The following RUBCNL variants were observed in gnomAD, a reference collection of about 807,000 sequenced individuals.
RUBCNL encodes rubicon like autophagy enhancer.
RUBCNL carries 62 observed loss-of-function variants against 69.5 expected under a neutral mutation model. The observed-to-expected ratio is 0.89, with a 90% CI of 0.73 to 1.10. The LOEUF (loss-of-function observed/expected upper bound fraction) is 1.10. Ranked by LOEUF, RUBCNL falls within the 50% of genes least tolerant of loss-of-function variation. The pLI, the probability that RUBCNL is intolerant of heterozygous loss-of-function variation, is 0.00. For synonymous variants in RUBCNL, 291 were observed against 303.6 expected, an observed-to-expected ratio of 0.96 and a Z score of 0.43; for missense variants, 768 against 798.1, an observed-to-expected ratio of 0.96 and a Z score of 0.45.
At chr13:46,364,373 G>C (rs1015206862) in intron 5 of RUBCNL, among the ~76,000 whole-genome samples, 1 of 151,394 alleles carries the variant, frequency 6.6e-6, no homozygotes, top group Non-Finnish European at 1.5e-5. Flanking sequence ...CTCCAGCCTA[G>C]GCAACACAGA....
rs371540012 is a variant in RUBCNL, at chr13:46,339,960, T to C, written c.*3425A>G. Among the ~76,000 whole-genome samples the C allele has an allele frequency of 6.6e-6, 1 of 151,992 alleles. No homozygotes were observed. The highest frequency in any genetic ancestry group is 1.5e-5 in the Non-Finnish European group (1 of 67,954). On this transcript the variant is annotated 3_prime_UTR_variant, in exon 15 of 15. Coordinates refer to ENST00000429979, the MANE Select transcript of RUBCNL (RefSeq NM_025113.5). ...GTTTGAAATCAAGGGGTCAGCCATGTTGGGTTTTTTTTTTAAGGCTCTGAG... is the reference window on the plus strand; with the variant it reads ...GTTTGAAATCAAGGGGTCAGCCATGCTGGGTTTTTTTTTTAAGGCTCTGAG...
chr13:46,363,729 C>T (rs1205078644), intron 5 of RUBCNL, among the ~76,000 whole-genome samples: 1 of 151,480 alleles, frequency 6.6e-6, no homozygotes, highest in African/African-American at 2.4e-5. Context: ...GGTGGCCCGG[C>T]CAGCACCTGT....
intron 9 of RUBCNL, among the ~76,000 whole-genome samples, chr13:46,359,227 G>T (rs1268343699): frequency 6.6e-6 from 1 of 151,020 alleles, no homozygotes; most frequent in African/African-American, 2.4e-5. Context: ...CAGTTGCTAC[G>T]CAATATTGAC....
intron 5 of RUBCNL, among the ~76,000 whole-genome samples, chr13:46,364,204 G>T (rs259702): frequency 0.3 from 45,007 of 151,660 alleles, 7,996 homozygotes; most frequent in East Asian, 0.58. Flanking sequence ...GACCAGACTG[G>T]CCAACAAGGT....
chr13:46,364,394 C>T (rs1317445692), intron 5 of RUBCNL, among the ~76,000 whole-genome samples: 1 of 133,536 alleles, frequency 7.5e-6, no homozygotes, highest in Non-Finnish European at 1.5e-5. Context: ...CAGACTCCAT[C>T]TCAAAAAAAA....
rs1455015755 is a variant in RUBCNL at position 46,339,751 on chromosome 13, C to T, written c.*3634G>A. ...GCGTGCGCCTGCAATCCCAGCTACT[C>T]GGGAGGGTGAGACAGGAAAATCACT... On this transcript the variant is annotated 3_prime_UTR_variant, in exon 15 of 15. Coordinates refer to ENST00000429979, the MANE Select transcript of RUBCNL (RefSeq NM_025113.5). 2.0e-5 allele frequency among the ~76,000 whole-genome samples: 3 copies of T among 151,984 alleles called. No individual in the cohort carries two copies. Among genetic ancestry groups the T allele is most frequent in the Non-Finnish European group, 4.4e-5 (3 of 67,994 alleles).
intron 1 of RUBCNL, among the ~76,000 whole-genome samples, chr13:46,383,889 A>G (rs535155398): frequency 1.3e-5 from 2 of 152,366 alleles, no homozygotes; most frequent in African/African-American, 4.8e-5. Context: ...CAAATGACCA[A>G]GACCCAGGAG....
intron 10 of RUBCNL, among the ~76,000 whole-genome samples, chr13:46,351,410 G>C (rs1472777072): frequency 1.3e-5 from 2 of 152,208 alleles, no homozygotes; most frequent in African/African-American, 4.8e-5. Flanking sequence ...AGCACTGATA[G>C]AACTAATTTG....
At chr13:46,349,398 G>A (rs554800266) in intron 11 of RUBCNL, 51 bp from the exon 12 acceptor site, 50 of 1,498,712 alleles carry the variant, frequency 3.3e-5, no homozygotes, top group Admixed American at 3.0e-4. Flanking sequence ...TAAATGACAC[G>A]GGAAAAGTGC....
chr13:46,372,556 C>G lies in RUBCNL; in HGVS notation c.-81G>C. 1.3e-6 allele frequency: 2 copies of G among 1,498,050 alleles called. No homozygotes were observed. Among genetic ancestry groups the G allele is most frequent in the Non-Finnish European group, 1.8e-6 (2 of 1,119,700 alleles). 92.8% of individuals were successfully genotyped at this position (1,498,050 alleles called of 1,614,324 possible). On this transcript the variant is annotated 5_prime_UTR_variant, in exon 3 of 15. Transcript: ENST00000429979. ...TTGCTGGTACTACTTGATTTGGGCC[C>G]TGAACTCACCACATGGCCAGCTGGG...
intron 10 of RUBCNL, among the ~76,000 whole-genome samples, chr13:46,352,273 T>C (rs908666114): frequency 4.6e-5 from 7 of 152,238 alleles, no homozygotes; most frequent in African/African-American, 1.7e-4. Flanking sequence ...AACAATTCAG[T>C]TGAAGTCTTC....
intron 2 of RUBCNL, among the ~76,000 whole-genome samples, chr13:46,373,624 C>T (rs2048926984): frequency 6.6e-6 from 1 of 152,204 alleles, no homozygotes; most frequent in Non-Finnish European, 1.5e-5. Flanking sequence ...CTTCCACTGC[C>T]CTCTGCATTG....
chr13:46,367,249 C>T (rs538350325), intron 5 of RUBCNL, among the ~76,000 whole-genome samples: 34 of 152,266 alleles, frequency 2.2e-4, no homozygotes, highest in African/African-American at 7.2e-4. Context: ...CAGGGCTTCC[C>T]GGTCCCATGC....
chr13:46,369,272 C>T (rs1037374289), intron 3 of RUBCNL, among the ~76,000 whole-genome samples: 4 of 152,116 alleles, frequency 2.6e-5, no homozygotes, highest in South Asian at 2.1e-4. Context: ...TAGAGTGCAG[C>T]GGCGTGATCA....
At position 46,338,167 on chromosome 13, in the gene RUBCNL, T is replaced by C. The variant is rs2048116223; in HGVS notation, c.*5218A>G. On this transcript the variant is annotated 3_prime_UTR_variant, in exon 15 of 15. Coordinates refer to ENST00000429979, the MANE Select transcript of RUBCNL (RefSeq NM_025113.5). ...TGCAGAGCCCATGCAAGAGTACAAATACAGGTCCACATGCCATATATCCAA... is the reference window on the plus strand; with the variant it reads ...TGCAGAGCCCATGCAAGAGTACAAACACAGGTCCACATGCCATATATCCAA... 1.3e-5 allele frequency among the ~76,000 whole-genome samples: 2 copies of C among 152,204 alleles called. No homozygotes were observed. Among genetic ancestry groups the C allele is most frequent in the Non-Finnish European group, 2.9e-5 (2 of 68,024 alleles).
intron 5 of RUBCNL, among the ~76,000 whole-genome samples, chr13:46,366,342 G>A (rs1487775774): frequency 6.6e-6 from 1 of 152,210 alleles, no homozygotes; most frequent in Non-Finnish European, 1.5e-5. Flanking sequence ...CAGGAAGACT[G>A]CAGAGCTGAA....
intron 9 of RUBCNL, among the ~76,000 whole-genome samples, chr13:46,359,285 C>T (rs2138736894): frequency 6.6e-6 from 1 of 151,904 alleles, no homozygotes; most frequent in Admixed American, 6.6e-5. Context: ...ACTTACAGAG[C>T]CCCCAAAAGT....
At chr13:46,357,066 G>A (rs922583130) in intron 9 of RUBCNL, among the ~76,000 whole-genome samples, 1 of 150,486 alleles carries the variant, frequency 6.6e-6, no homozygotes, top group African/African-American at 2.4e-5. Context: ...TGCTAGGCTG[G>A]GCACGGTGGC....
At chr13:46,360,919 T>G (rs1342246208) in intron 8 of RUBCNL, among the ~76,000 whole-genome samples, 1 of 152,132 alleles carries the variant, frequency 6.6e-6, no homozygotes, top group African/African-American at 2.4e-5. Flanking sequence ...AGGATACTTA[T>G]GAGGATTAAA....
Sources: allele counts gnomAD v4.1 joint callset (sites outside exome capture counted in the v4.1 genomes callset), GRCh38; gene constraint gnomAD v4.1.1; transcripts MANE v1.5; gene names NCBI Gene and HGNC (gene_info 2026-07-23, HGNC 2026-07-21).